Variants in PPP1R12C observed in about 807,000 individuals in gnomAD.
PPP1R12C encodes leukocyte receptor cluster (LRC) encoded novel gene 3.
In PPP1R12C, 48 loss-of-function variants were observed where a neutral mutation model predicts 95.6. That is an observed-to-expected ratio of 0.50 (90% CI 0.40 to 0.64). The LOEUF (loss-of-function observed/expected upper bound fraction) is 0.64. Among genes scored for constraint, PPP1R12C ranks in the 30% least tolerant of loss-of-function variants. PPP1R12C has a pLI of 0.00. For missense variants in PPP1R12C, 1,057 were observed against 1,083.3 expected (o/e 0.98, Z 0.34); for synonymous variants, 480 against 460.8 (o/e 1.04, Z -0.53).
In PPP1R12C at chr19:55,098,728, G is replaced by A. The variant is rs780833708; in HGVS notation, c.951+56C>T. On this transcript the variant is annotated intron_variant, in intron 6 of 21. Coordinates refer to ENST00000263433, the MANE Select transcript of PPP1R12C (RefSeq NM_017607.4). ...GGGTTCCCCCTCTGCACCCTCCTCT[G>A]AGGAGCTGAGGGGACATGGGGAGTC... The A allele has an allele frequency of 2.5e-6, 4 of 1,600,162 alleles. No homozygotes were observed. The Admixed American group carries it at 5.0e-5, about 20-fold the overall frequency.
rs146376857 is a variant in PPP1R12C at position 55,100,216 on chromosome 19, T to C, written c.732-1121A>G. ...CTCCTGACCCCAAAGCCCCTCCTCA[T>C]CACACTTGTCTTCTCCCATAACCCT... On this transcript the variant is annotated intron_variant, in intron 4 of 21. Coordinates refer to ENST00000263433, the MANE Select transcript of PPP1R12C (RefSeq NM_017607.4). 3.2e-4 allele frequency among the ~76,000 whole-genome samples: 49 copies of C among 152,220 alleles called. 3 individuals carry two copies. In the East Asian group the frequency reaches 7.4e-3, roughly 23 times the overall value.
chr19:55,092,500 C>G lies in PPP1R12C; in HGVS notation c.1997G>C (p.Arg666Pro). ...TGGCTCAGGTTCTGGGTTGAGGTCCCGCTGCCACCGCTGCCTGCGGGCCGA... is the reference window on the plus strand; with the variant it reads ...TGGCTCAGGTTCTGGGTTGAGGTCCGGCTGCCACCGCTGCCTGCGGGCCGA... ...GPSARRQRWQ[R>P]DLNPEPEPES... is the part of the protein sequence containing the mutation. Residue 666 changes from arginine to proline, a missense_variant, in exon 18 of 22, where the codon CGG becomes CCG. Around this residue, in one of 5 missense-constraint regions of PPP1R12C, gnomAD observed 347 missense variants for 307.9 expected, o/e 1.13. Transcript: ENST00000263433. 1.9e-6 allele frequency: 3 copies of G among 1,608,940 alleles called. No individual in the cohort carries two copies. The highest frequency in any genetic ancestry group is 2.5e-6 in the Non-Finnish European group (3 of 1,178,130).
At chr19:55,091,995 C>A (rs1257442459) in intron 19 of PPP1R12C, 86 bp from the exon 20 acceptor site, 1 of 1,519,008 alleles carries the variant, frequency 6.6e-7, no homozygotes. Context: ...GGCACCCGCC[C>A]GCCCACTAGG....
chr19:55,108,134 C>T (rs1327147100), intron 3 of PPP1R12C, among the ~76,000 whole-genome samples: 1 of 151,806 alleles, frequency 6.6e-6, no homozygotes, highest in Non-Finnish European at 1.5e-5. Context: ...CGGGGTTTCA[C>T]CATGTTGGCC....
In PPP1R12C at chr19:55,092,546, TG is replaced by T; in HGVS notation, c.1953-3del. 6.3e-7 allele frequency: 1 copy of T among 1,599,042 alleles called. No individual in the cohort carries two copies. The highest frequency in any genetic ancestry group is 8.5e-7 in the Non-Finnish European group (1 of 1,173,538). On this transcript the variant is annotated splice_polypyrimidine_tract_variant and splice_region_variant and intron_variant, in intron 17 of 21. Coordinates refer to ENST00000263433, the MANE Select transcript of PPP1R12C (RefSeq NM_017607.4). ...GCCGAGGGGCCGCCCTCCAGGGTGCTGGGGCAGGGGAGGAGCGCGCGTCAGG... is the reference window on the plus strand; with the variant it reads ...GCCGAGGGGCCGCCCTCCAGGGTGCTGGGCAGGGGAGGAGCGCGCGTCAGG...
intron 1 of PPP1R12C, chr19:55,113,762 G>T: frequency 2.7e-6 from 1 of 368,654 alleles, no homozygotes; most frequent in Non-Finnish European, 4.6e-6. Flanking sequence ...GGGGCCGCAC[G>T]TGCCCTGGGA....
rs2147190866 is a variant in PPP1R12C, at chr19:55,099,029, T to C, written c.798A>G (p.Ala266=). Residue 266 remains alanine, a synonymous_variant, in exon 5 of 22, where the codon GCA becomes GCG. Transcript: ENST00000263433. Reference sequence around the variant, plus strand: ...CATCCTCCACGCCCCAGTGTGCCGCTGCGTGCAGGGGAGTCCAGCCGTCCC... The same window carrying C: ...CATCCTCCACGCCCCAGTGTGCCGCCGCGTGCAGGGGAGTCCAGCCGTCCC... ...RDGDGWTPLH[A]AAHWGVEDAC... is the part of the protein sequence containing the mutation. 6.4e-7 allele frequency: 1 copy of C among 1,555,016 alleles called. No homozygotes were observed. The highest frequency in any genetic ancestry group is 8.7e-7 in the Non-Finnish European group (1 of 1,149,566).
At chr19:55,108,060 C>T (rs1371828732) in intron 3 of PPP1R12C, among the ~76,000 whole-genome samples, 2 of 151,134 alleles carry the variant, frequency 1.3e-5, no homozygotes, top group South Asian at 2.1e-4. Flanking sequence ...CTCAGCCTCC[C>T]GAGTAGCTGG....
chr19:55,091,620 C>T, intron 21 of PPP1R12C, 30 bp downstream of exon 21: 1 of 1,307,512 alleles, frequency 7.6e-7, no homozygotes, highest in Non-Finnish European at 1.1e-6. Flanking sequence ...CCACCCTCGG[C>T]CCTCTGCCCA....
At chr19:55,095,778 A>G (rs530905526) in intron 9 of PPP1R12C, 89 bp downstream of exon 9, 695 of 1,542,014 alleles carry the variant, frequency 4.5e-4, no homozygotes, top group Non-Finnish European at 6.0e-4. Context: ...TCTTCCCCCT[A>G]TCTGCCCCTG....
chr19:55,101,022 G>A (rs1055794467), intron 4 of PPP1R12C, among the ~76,000 whole-genome samples: 2 of 152,108 alleles, frequency 1.3e-5, no homozygotes, highest in African/African-American at 4.8e-5. Flanking sequence ...GCTGAGGCGG[G>A]CAGATCACTT....
rs2084845727 is a variant in PPP1R12C, at chr19:55,091,876, G to A, written c.2194C>T (p.Leu732=). 6.2e-7 allele frequency: 1 copy of A among 1,613,400 alleles called. No individual in the cohort carries two copies. The highest frequency in any genetic ancestry group is 8.5e-7 in the Non-Finnish European group (1 of 1,180,020). Residue 732 remains leucine (L), a synonymous_variant, in exon 20 of 22, where the codon CTG becomes TTG. Coordinates refer to ENST00000263433, the MANE Select transcript of PPP1R12C (RefSeq NM_017607.4). The part of the protein sequence containing the change: ...QERFAERPAL[L]ELERFERRAL... ...CTACTCACGAATCTCTCCAGTTCCA[G>A]GAGGGCTGGCCTCTCAGCGAAGCGT...
In PPP1R12C at chr19:55,109,196, G is replaced by T. The variant is rs1383695513; in HGVS notation, c.571+3271C>A. Among the ~76,000 whole-genome samples, 2 of 152,188 alleles carry T rather than the reference G, an allele frequency of 1.3e-5. No individual in the cohort carries two copies. The highest frequency in any genetic ancestry group is 2.9e-5 in the Non-Finnish European group (2 of 68,040). On this transcript the variant is annotated intron_variant, in intron 3 of 21. Coordinates refer to ENST00000263433, the MANE Select transcript of PPP1R12C (RefSeq NM_017607.4). The surrounding 1 kb of genome is among the most constrained non-coding windows in gnomAD (Gnocchi z 4.4). ...GTTCACTGCATCTTCCACCTCCCAG[G>T]CTCAAGCAATCTTCTCACCTCAGCC...
chr19:55,104,199 T>TATATATATATATACAC (rs34075382), intron 3 of PPP1R12C, among the ~76,000 whole-genome samples: 54 of 120,036 alleles, frequency 4.5e-4, no homozygotes, highest in African/African-American at 1.8e-3. Flanking sequence ...TATATATATA[T>TATATATATATATACAC]ACACACACAC....
chr19:55,105,070 C>T (rs971737228), intron 3 of PPP1R12C, among the ~76,000 whole-genome samples: 5 of 142,026 alleles, frequency 3.5e-5, no homozygotes, highest in African/African-American at 1.3e-4. Context: ...GCATCTGACC[C>T]TTTTTTTTTT....
At position 55,098,997 on chromosome 19, in the gene PPP1R12C, C is replaced by G. The variant is rs765264618; in HGVS notation, c.830G>C (p.Arg277Pro). ...GCCCCCGCCATGCTCGGCCAGCAGG[C>G]GGCAGGCATCCTCCACGCCCCAGTG... is the stretch of plus-strand genomic sequence containing the variant. ...AAHWGVEDAC[R>P]LLAEHGGGMD... Residue 277 changes from arginine to proline, a missense_variant, in exon 5 of 22, where the codon CGC becomes CCC. Transcript: ENST00000263433. 1 of 1,558,994 alleles carries G rather than the reference C, an allele frequency of 6.4e-7. No homozygotes were observed. Among genetic ancestry groups the G allele is most frequent in the Admixed American group, 1.9e-5 (1 of 51,758 alleles).
At position 55,098,784 on chromosome 19, in the gene PPP1R12C, G is replaced by A. The variant is rs201765422; in HGVS notation, c.951C>T (p.Asp317=). Residue 317 remains aspartate, a splice_region_variant and synonymous_variant, in exon 6 of 22, where the codon GAC becomes GAT. Transcript: ENST00000263433. ...TAAGCCCCTCAGCCCTGACACTCAC[G>A]TCCTCCTGTTTCCGGGCCAGTTCCT... ...LLEELARKQE[D]LRNQKEASQS... is the part of the protein sequence containing the mutation. The A allele has an allele frequency of 2.1e-5, 34 of 1,613,452 alleles. No homozygotes were observed. Among genetic ancestry groups the A allele is most frequent in the Admixed American group, 5.0e-5 (3 of 60,018 alleles).
At position 55,103,875 on chromosome 19, in the gene PPP1R12C, G is replaced by A. The variant is rs537791668; in HGVS notation, c.572-307C>T. Among the ~76,000 whole-genome samples, 18 of 151,792 alleles carry A rather than the reference G, an allele frequency of 1.2e-4. No individual in the cohort carries two copies. The South Asian group carries it at 3.3e-3, about 28-fold the overall frequency. On this transcript the variant is annotated intron_variant, in intron 3 of 21. Coordinates refer to ENST00000263433, the MANE Select transcript of PPP1R12C (RefSeq NM_017607.4). ...ATTTTTAATATAAAACCATGGCCGG[G>A]TGCAGTGGCTCATGCCTGCAATCCC...
chr19:55,109,910 C>G lies in PPP1R12C; in HGVS notation c.571+2557G>C, dbSNP rs922908566. The stretch of plus-strand genomic sequence containing the variant: ...GATTTGGGGCCGCAGAGTCCCACCC[C>G]GAGCAGCACGGCTGAGGGTCTTTCC... On this transcript the variant is annotated intron_variant, in intron 3 of 21. Transcript: ENST00000263433. This position sits in a 1 kb window ranked among gnomAD's most constrained non-coding sequence, Gnocchi z 4.4. Among the ~76,000 whole-genome samples, 1 of 152,162 alleles carries G rather than the reference C, an allele frequency of 6.6e-6. No individual in the cohort carries two copies. The highest frequency in any genetic ancestry group is 6.5e-5 in the Admixed American group (1 of 15,282).
Sources: allele counts gnomAD v4.1 joint callset (sites outside exome capture counted in the v4.1 genomes callset), GRCh38; gene constraint gnomAD v4.1.1; regional missense constraint gnomAD v4.1.1; non-coding constraint Gnocchi (gnomAD v3.1); transcripts MANE v1.5; gene names NCBI Gene and HGNC (gene_info 2026-07-23, HGNC 2026-07-21).